The following NEK5 variants were observed in gnomAD, a reference collection of about 807,000 sequenced individuals.
NEK5 encodes serine/threonine-protein kinase Nek5.
A neutral mutation model predicts 109.2 loss-of-function variants in NEK5; 88 were observed. The observed-to-expected ratio is 0.81, with a 90% confidence interval of 0.68 to 0.96. The LOEUF (loss-of-function observed/expected upper bound fraction) is 0.96. NEK5 is among the 40% of genes least tolerant of loss of function. The probability of loss-of-function intolerance (pLI) is 0.00; values close to 1 mark genes in which losing one functional copy is unlikely to be tolerated. For synonymous variants in NEK5, 283 were observed against 299.9 expected (o/e 0.94, Z 0.58); for missense variants, 834 against 920.7 (o/e 0.91, Z 1.22).
chr13:52,082,934 G>T (rs1955043623), intron 17 of NEK5, among the ~76,000 whole-genome samples: 1 of 152,170 alleles, frequency 6.6e-6, no homozygotes, highest in African/African-American at 2.4e-5. Flanking sequence ...GGATCACGAG[G>T]TCAAGAGATA....
At chr13:52,116,922 CTT>C (rs879560785) in intron 4 of NEK5, among the ~76,000 whole-genome samples, 6 of 143,916 alleles carry the variant, frequency 4.2e-5, no homozygotes, top group African/African-American at 2.5e-5. Context: ...ATCCTATTTT[CTT>C]TTTTTTTTTT....
chr13:52,115,114 G>A (rs559584937), intron 4 of NEK5, among the ~76,000 whole-genome samples: 95 of 151,198 alleles, frequency 6.3e-4, no homozygotes, highest in Admixed American at 5.1e-3. Flanking sequence ...CTGGGTTCAC[G>A]CCATTCTCCT....
In NEK5 at chr13:52,033,871, A is replaced by AAGTT. The variant is rs1184431200; in HGVS notation, c.*3073_*3076dup. On this transcript the variant is annotated 3_prime_UTR_variant, in exon 24 of 24. Transcript: ENST00000684899. ...AAATCTGTCAATCAGTACAATAGAA[A>AAGTT]AGTTAATTATATAACTACAACACGA... 1.3e-5 allele frequency: 2 copies of AAGTT among 152,174 alleles called. No individual in the cohort carries two copies. The highest frequency in any genetic ancestry group is 2.9e-5 in the Non-Finnish European group (2 of 68,024). The allele number at this position is 152,174 out of a possible 1,614,324, so 9.4% of individuals were successfully genotyped here.
chr13:52,059,973 T>A (rs984500474), intron 22 of NEK5, among the ~76,000 whole-genome samples: 13 of 151,114 alleles, frequency 8.6e-5, no homozygotes, highest in East Asian at 3.9e-4. Flanking sequence ...AATAAAAAAA[T>A]AATAATAATC....
chr13:52,076,018 A>T, intron 18 of NEK5, 45 bp downstream of exon 18: 3 of 1,243,148 alleles, frequency 2.4e-6, no homozygotes, highest in Non-Finnish European at 3.5e-6. Context: ...GTGGCTCCCC[A>T]GCCAGCTATT....
chr13:52,066,543 C>T (rs1411398537), intron 20 of NEK5, among the ~76,000 whole-genome samples: 4 of 151,972 alleles, frequency 2.6e-5, no homozygotes, highest in South Asian at 2.1e-4. Flanking sequence ...CAGTGGCTCA[C>T]GCCTGTAATC....
intron 3 of NEK5, among the ~76,000 whole-genome samples, chr13:52,126,730 G>C (rs1206998664): frequency 1.3e-5 from 2 of 152,318 alleles, no homozygotes; most frequent in African/African-American, 4.8e-5. Flanking sequence ...AGTGAGCCAA[G>C]ATCATGCCAC....
intron 12 of NEK5, among the ~76,000 whole-genome samples, chr13:52,095,937 T>C (rs559773669): frequency 1.3e-5 from 2 of 152,262 alleles, no homozygotes; most frequent in East Asian, 1.9e-4. Context: ...CGAGGCCTGG[T>C]AAATGGATCG....
intron 23 of NEK5, among the ~76,000 whole-genome samples, chr13:52,049,335 G>C (rs1016153090): frequency 2.6e-5 from 4 of 151,968 alleles, no homozygotes; most frequent in Non-Finnish European, 5.9e-5. Flanking sequence ...GAGGTGGGAG[G>C]ATTGCTTGAG....
chr13:52,076,575 A>C (rs1047558253), intron 17 of NEK5, among the ~76,000 whole-genome samples: 3 of 152,242 alleles, frequency 2.0e-5, no homozygotes, highest in Non-Finnish European at 4.4e-5. Context: ...CAAGAATTTC[A>C]AAGGCACAAC....
chr13:52,078,288 A>G (rs146412056), intron 17 of NEK5, among the ~76,000 whole-genome samples: 1 of 152,374 alleles, frequency 6.6e-6, no homozygotes, highest in African/African-American at 2.4e-5. Context: ...GAATGAAAGT[A>G]GCCAGAAAAA....
intron 3 of NEK5, 80 bp downstream of exon 3, chr13:52,127,286 A>T: frequency 1.3e-6 from 1 of 799,678 alleles, no homozygotes; most frequent in East Asian, 2.5e-5. Flanking sequence ...TATAAAAAAT[A>T]AAAATTTCCT....
chr13:52,036,903 A>G lies in NEK5; in HGVS notation c.*45T>C. 1.1e-6 allele frequency: 1 copy of G among 878,884 alleles called. No individual in the cohort carries two copies. The allele number at this position is 878,884 out of a possible 1,614,324, so 54.4% of individuals were successfully genotyped here. On this transcript the variant is annotated 3_prime_UTR_variant, in exon 24 of 24. Coordinates refer to ENST00000684899, the MANE Select transcript of NEK5 (RefSeq NM_001365552.1). The stretch of plus-strand genomic sequence containing the variant: ...TATGACTTGTACCCAAATAAATACT[A>G]TAGGTAATAGACACTAACTTATTAC...
chr13:52,080,821 T>G (rs1367400998), intron 17 of NEK5, among the ~76,000 whole-genome samples: 3 of 151,372 alleles, frequency 2.0e-5, no homozygotes, highest in African/African-American at 4.9e-5. Flanking sequence ...TCTGCTGACC[T>G]TCCCTCCACT....
intron 8 of NEK5, among the ~76,000 whole-genome samples, chr13:52,105,451 T>C (rs1395635251): frequency 3.9e-5 from 6 of 151,980 alleles, no homozygotes; most frequent in Non-Finnish European, 8.8e-5. Flanking sequence ...ACTCTTGAGC[T>C]CAAGCAATAC....
intron 8 of NEK5, among the ~76,000 whole-genome samples, chr13:52,106,675 G>A (rs1056487235): frequency 7.2e-5 from 11 of 151,756 alleles, no homozygotes; most frequent in African/African-American, 1.7e-4. Context: ...ACTGAGGCAC[G>A]AGAATTGCTT....
At chr13:52,057,472 A>G (rs1954569704) in intron 22 of NEK5, among the ~76,000 whole-genome samples, 1 of 152,100 alleles carries the variant, frequency 6.6e-6, no homozygotes, top group South Asian at 2.1e-4. Flanking sequence ...TCCTGATACC[A>G]AAGCCTGGCA....
At chr13:52,099,898 A>G (rs752489480) in intron 11 of NEK5, 22 bp from the exon 12 acceptor site, 3 of 1,600,790 alleles carry the variant, frequency 1.9e-6, no homozygotes, top group Non-Finnish European at 2.6e-6. Context: ...AAAATAAAAC[A>G]GCTTCAATTT....
chr13:52,079,488 G>A (rs1198106437), intron 17 of NEK5, among the ~76,000 whole-genome samples: 1 of 152,254 alleles, frequency 6.6e-6, no homozygotes, highest in Non-Finnish European at 1.5e-5. Context: ...TTTTGGTGGA[G>A]ACGGGGTTTC....
Sources: allele counts gnomAD v4.1 joint callset (sites outside exome capture counted in the v4.1 genomes callset), GRCh38; gene constraint gnomAD v4.1.1; transcripts MANE v1.5; gene names NCBI Gene and HGNC (gene_info 2026-07-23, HGNC 2026-07-21).